The following HIP1R variants were observed in gnomAD, a reference collection of about 807,000 sequenced individuals.
The protein encoded by HIP1R is huntingtin interacting protein 1 related, also known as huntingtin-interacting protein 1-related protein.
HIP1R carries 135 observed loss-of-function variants against 144.2 expected under a neutral mutation model. The observed-to-expected ratio is 0.94, with a 90% CI of 0.81 to 1.08. The LOEUF (loss-of-function observed/expected upper bound fraction) is 1.08, where lower values mean the gene tolerates loss of function less well. HIP1R is among the 50% of genes least tolerant of loss of function. The pLI is 0.00. For missense variants in HIP1R, 1,462 were observed against 1,432.8 expected, an observed-to-expected ratio of 1.02 and a Z score of -0.33; for synonymous variants, 698 against 612.8, an observed-to-expected ratio of 1.14 and a Z score of -2.05.
At chr12:122,860,635 C>G (rs369364035) in intron 27 of HIP1R, 44 bp from the exon 28 acceptor site, 1 of 1,580,184 alleles carries the variant, frequency 6.3e-7, no homozygotes, top group African/African-American at 1.3e-5. Context: ...GCCAGCCGTC[C>G]GTGGGGTCAG....
rs1340419501 is a variant in HIP1R at position 122,835,486 on chromosome 12, C to T, written c.-65C>T. On this transcript the variant is annotated 5_prime_UTR_variant, in exon 1 of 32. Transcript: ENST00000253083. ...TGGCCTCGCGGTGCCTAGGCTGGGG[C>T]TGCCGGACCGTGAGGCTGTGAGTCG... 16 of 1,222,826 alleles carry T rather than the reference C, an allele frequency of 1.3e-5. No individual in the cohort carries two copies. Among genetic ancestry groups the T allele is most frequent in the Non-Finnish European group, 1.6e-5 (16 of 976,104 alleles). 75.7% of individuals were successfully genotyped at this position (1,222,826 alleles called of 1,614,324 possible).
At chr12:122,850,321 T>G in intron 5 of HIP1R, 1 of 350,880 alleles carries the variant, frequency 2.8e-6, no homozygotes, top group Non-Finnish European at 5.7e-6. Flanking sequence ...GGGTCCAGCG[T>G]GGGGCCCCCT....
At chr12:122,856,804 C>G in intron 17 of HIP1R, 78 bp downstream of exon 17, 1 of 1,272,804 alleles carries the variant, frequency 7.9e-7, no homozygotes, top group Non-Finnish European at 1.1e-6. Flanking sequence ...TTCCCGTGAA[C>G]AGGCCCCACC....
chr12:122,844,409 C>T (rs929177799), intron 1 of HIP1R, among the ~76,000 whole-genome samples: 6 of 152,154 alleles, frequency 3.9e-5, no homozygotes, highest in African/African-American at 1.4e-4. Flanking sequence ...TATAGGCGTG[C>T]GCCACTGTGC....
intron 4 of HIP1R, among the ~76,000 whole-genome samples, chr12:122,849,054 C>A (rs1334509309): frequency 6.6e-6 from 1 of 152,232 alleles, no homozygotes; most frequent in African/African-American, 2.4e-5. Context: ...AACCAGTGGG[C>A]CCTCCAGCGT....
At position 122,859,471 on chromosome 12, in the gene HIP1R, G is replaced by A. The variant is rs1387081903; in HGVS notation, c.2341G>A (p.Ala781Thr). 9 of 1,613,552 alleles carry A rather than the reference G, an allele frequency of 5.6e-6. No individual in the cohort carries two copies. The highest frequency in any genetic ancestry group is 7.6e-6 in the Non-Finnish European group (9 of 1,179,982). Reference sequence around the variant, plus strand: ...AGATGTGCGGCAGGAGGAGCTGGGGGCCGTGGTCGACAAGGAGATGGCGGC... The same window carrying A: ...AGATGTGCGGCAGGAGGAGCTGGGGACCGTGGTCGACAAGGAGATGGCGGC... ...SLDVRQEELG[A>T]VVDKEMAATS... Residue 781 changes from alanine (A) to threonine (T), a missense_variant, in exon 23 of 32, where the codon GCC (alanine) becomes ACC (threonine). Ala to Thr is a moderately conservative substitution (Grantham distance 58). Around this residue, in one of 2 missense-constraint regions of HIP1R, gnomAD observed 1,112 missense variants for 1,011.7 expected, o/e 1.10. Transcript: ENST00000253083.
chr12:122,860,457 A>C lies in HIP1R; in HGVS notation c.2594A>C (p.Asn865Thr). Reference protein sequence around the residue: ...AATQQEFYAKNSRWTEGLISA... With the variant: ...AATQQEFYAKTSRWTEGLISA... ...ACGCAGCAGGAATTTTACGCCAAGA[A>C]CTCGCGCTGGACCGAAGGCCTCATC... is the stretch of plus-strand genomic sequence containing the variant. The change falls in exon 27 of 32, where the codon AAC becomes ACC. Residue 865 changes from asparagine (N) to threonine (T), a missense_variant. Coordinates refer to ENST00000253083, the MANE Select transcript of HIP1R (RefSeq NM_003959.3). 1 of 1,613,118 alleles carries C rather than the reference A, an allele frequency of 6.2e-7. No individual in the cohort carries two copies. Among genetic ancestry groups the C allele is most frequent in the Non-Finnish European group, 8.5e-7 (1 of 1,179,946 alleles).
At chr12:122,850,361 C>A in intron 5 of HIP1R, 1 of 468,304 alleles carries the variant, frequency 2.1e-6, no homozygotes, top group Non-Finnish European at 4.2e-6. Context: ...TGGGGGGGCC[C>A]TGGTTCAGTG....
At position 122,857,235 on chromosome 12, in the gene HIP1R, A is replaced by G. The variant is rs1255862363; in HGVS notation, c.1815+20A>G. 1.3e-6 allele frequency: 2 copies of G among 1,547,594 alleles called. No individual in the cohort carries two copies. Among genetic ancestry groups the G allele is most frequent in the Middle Eastern group, 1.7e-4 (1 of 5,990 alleles). ...GAGAGGGTATGGCCTCCCCAGATGC[A>G]GCAGCACCACTGAGTTCACTGCCGT... On this transcript the variant is annotated intron_variant, in intron 18 of 31. Transcript: ENST00000253083.
chr12:122,835,699 C>T, intron 1 of HIP1R, 56 bp downstream of exon 1: 3 of 1,038,898 alleles, frequency 2.9e-6, no homozygotes, highest in Non-Finnish European at 3.5e-6. Context: ...GGGCAAGCGG[C>T]GTCCCTGACC....
At chr12:122,854,224 T>TTATATA (rs2033488971) in intron 8 of HIP1R, 41 bp downstream of exon 8, 2 of 1,584,724 alleles carry the variant, frequency 1.3e-6, no homozygotes, top group Non-Finnish European at 1.7e-6. Context: ...AAGGCTGTGT[T>TTATATA]TATATGGCTT....
At chr12:122,860,263 C>G in intron 26 of HIP1R, 53 bp downstream of exon 26, 1 of 1,531,134 alleles carries the variant, frequency 6.5e-7, no homozygotes, top group South Asian at 1.2e-5. Context: ...GACCCCCAGC[C>G]TAGGCCACCC....
chr12:122,856,927 A>G, intron 17 of HIP1R, 94 bp from the exon 18 acceptor site: 3 of 1,232,396 alleles, frequency 2.4e-6, no homozygotes, highest in Non-Finnish European at 2.3e-6. Context: ...GGAAGTGATC[A>G]CTAACCCCCA....
chr12:122,859,194 C>A lies in HIP1R; in HGVS notation c.2292C>A (p.Gly764=). 1 of 1,570,640 alleles carries A rather than the reference C, an allele frequency of 6.4e-7. No individual in the cohort carries two copies. The highest frequency in any genetic ancestry group is 8.6e-7 in the Non-Finnish European group (1 of 1,158,592). Reference sequence around the variant, plus strand: ...CCCTGCAGGGCATCCTTCAGCTGGGCCAGGTGAGGCACAGCTGAGTGTGGG... The same window carrying A: ...CCCTGCAGGGCATCCTTCAGCTGGGACAGGTGAGGCACAGCTGAGTGTGGG... ...RTPLQGILQL[G]QELKPKSLDV... Residue 764 remains glycine, a synonymous_variant, in exon 22 of 32, where the codon GGC becomes GGA. Coordinates refer to ENST00000253083, the MANE Select transcript of HIP1R (RefSeq NM_003959.3).
intron 8 of HIP1R, among the ~76,000 whole-genome samples, 178 bp from the exon 9 acceptor site, chr12:122,854,727 A>T (rs1479507603): frequency 3.3e-5 from 5 of 152,172 alleles, no homozygotes; most frequent in East Asian, 3.9e-4. Context: ...CTCAGTCTGA[A>T]CTGAGCCCTC....
chr12:122,845,113 G>A (rs1033755163), intron 1 of HIP1R, among the ~76,000 whole-genome samples: 8 of 152,248 alleles, frequency 5.3e-5, no homozygotes, highest in Admixed American at 1.3e-4. Context: ...CAAGGACACC[G>A]TGTGGGTCTC....
At position 122,861,379 on chromosome 12, in the gene HIP1R, C is replaced by G. The variant is rs1372168791; in HGVS notation, c.3024C>G (p.His1008Gln). ...GGCTGGGGGAGTTGCGGAAGCAACACTACGTGCTGGCTGGGGCATCAGGCA... is the reference window on the plus strand; with the variant it reads ...GGCTGGGGGAGTTGCGGAAGCAACAGTACGTGCTGGCTGGGGCATCAGGCA... ...RMRLGELRKQ[H>Q]YVLAGASGSP... is the part of the protein sequence containing the mutation. Residue 1008 changes from histidine to glutamine, a missense_variant, in exon 31 of 32, where the codon CAC becomes CAG. His to Gln is a conservative substitution (Grantham distance 24, BLOSUM62 0). Around this residue, in one of 2 missense-constraint regions of HIP1R, gnomAD observed 1,112 missense variants for 1,011.7 expected, o/e 1.10. Transcript: ENST00000253083. 6.2e-7 allele frequency: 1 copy of G among 1,613,464 alleles called. No homozygotes were observed. Among genetic ancestry groups the G allele is most frequent in the African/African-American group, 1.3e-5 (1 of 74,906 alleles).
At chr12:122,853,182 C>T (rs1486449341) in intron 7 of HIP1R, among the ~76,000 whole-genome samples, 2 of 152,112 alleles carry the variant, frequency 1.3e-5, no homozygotes, top group African/African-American at 4.8e-5. Context: ...TGTCCTTTGT[C>T]CCTCCCACTT....
rs759442153 is a variant in HIP1R at position 122,848,092 on chromosome 12, G to A, written c.155G>A (p.Arg52Gln). Residue 52 changes from arginine (R) to glutamine (Q), a missense_variant and splice_region_variant, in exon 2 of 32, where the codon CGG (arginine) becomes CAG (glutamine). By Grantham distance (43) the Arg-to-Gln change is conservative (BLOSUM62 1). Coordinates refer to ENST00000253083, the MANE Select transcript of HIP1R (RefSeq NM_003959.3). ...QEAPVKEKHARRIILGTHHEK... is the reference protein window; with the variant it reads ...QEAPVKEKHAQRIILGTHHEK... Reference sequence around the variant, plus strand: ...GCCCCCGTGAAGGAGAAGCACGCCCGGCGTATCCTTGGCCGGCTCTTGGAC... The same window carrying A: ...GCCCCCGTGAAGGAGAAGCACGCCCAGCGTATCCTTGGCCGGCTCTTGGAC... 14 of 1,613,278 alleles carry A rather than the reference G, an allele frequency of 8.7e-6. No homozygotes were observed. Among genetic ancestry groups the A allele is most frequent in the South Asian group, 6.6e-5 (6 of 91,084 alleles).
Sources: allele counts gnomAD v4.1 joint callset (sites outside exome capture counted in the v4.1 genomes callset), GRCh38; gene constraint gnomAD v4.1.1; regional missense constraint gnomAD v4.1.1; transcripts MANE v1.5; gene names NCBI Gene and HGNC (gene_info 2026-07-23, HGNC 2026-07-21).